The following ILDR1 variants were observed in gnomAD, a reference collection of about 807,000 sequenced individuals.
ILDR1 encodes immunoglobulin-like domain-containing receptor 1.
Under a neutral mutation model 62.4 loss-of-function variants are expected in ILDR1, and 56 were observed. The observed-to-expected ratio is 0.90, with a 90% CI of 0.72 to 1.12. The LOEUF (loss-of-function observed/expected upper bound fraction) is 1.12. ILDR1 is among the 50% of genes most tolerant of loss of function. The pLI, the probability that ILDR1 is intolerant of heterozygous loss-of-function variation, is 0.00. For missense variants in ILDR1, 736 were observed against 710.6 expected (o/e 1.04, Z -0.41); for synonymous variants, 284 against 277.8 (o/e 1.02, Z -0.22).
intron 1 of ILDR1, among the ~76,000 whole-genome samples, chr3:122,008,557 ATTTTTTATTTCTTTTCTTTTC>A (rs1330456479): frequency 6.2e-5 from 9 of 145,186 alleles, no homozygotes; most frequent in Admixed American, 1.4e-4. Context: ...AGAGACACGC[ATTTTTTATTTCTTTTCTTTTC>A]TTTTCTTTTC....
At chr3:122,029,494 A>G in the ILDR1 span, among the ~76,000 whole-genome samples, 1 of 137,632 alleles carries the variant, frequency 7.3e-6, no homozygotes, top group Admixed American at 7.1e-5. Flanking sequence ...GCAACAGGTG[A>G]CACTCCGTCT....
chr3:122,006,897 G>T, intron 2 of ILDR1, 94 bp downstream of exon 2: 2 of 1,372,440 alleles, frequency 1.5e-6, no homozygotes, highest in Non-Finnish European at 1.0e-6. Context: ...TCACTACCAA[G>T]ATTTGTAATC....
chr3:122,025,701 G>T (rs930266853), upstream of ILDR1, among the ~76,000 whole-genome samples: 4 of 152,138 alleles, frequency 2.6e-5, no homozygotes, highest in Admixed American at 2.0e-4. Context: ...ACATTTATAT[G>T]TGTACAGTAT....
chr3:122,051,913 C>T, the ILDR1 span, among the ~76,000 whole-genome samples: 1,897 of 152,184 alleles, frequency 0.012, 24 homozygotes, highest in Non-Finnish European at 0.019. Flanking sequence ...TCTGGCTTCT[C>T]TTTTTTAAGA....
the ILDR1 span, among the ~76,000 whole-genome samples, chr3:122,030,369 A>T: frequency 1.3e-5 from 2 of 152,004 alleles, no homozygotes; most frequent in Non-Finnish European, 2.9e-5. Context: ...ATTATTAATC[A>T]GTATGGAAAC....
rs748351772 is a variant in ILDR1 at position 122,005,301 on chromosome 3, G to GC, written c.321dup (p.Gln108AlafsTer3). On this transcript the variant is annotated frameshift_variant, in exon 3 of 8. Transcript: ENST00000344209. LOFTEE classifies it high-confidence loss of function. ...TCTACCCCCAGCACGGGCTCATTCTGCCCCCGCCGCTGGGCCACTATGCGA... is the reference window on the plus strand; with the variant it reads ...TCTACCCCCAGCACGGGCTCATTCTGCCCCCCGCCGCTGGGCCACTATGCGA... 47 of 1,609,896 alleles carry GC rather than the reference G, an allele frequency of 2.9e-5. No individual in the cohort carries two copies. Among genetic ancestry groups the GC allele is most frequent in the Non-Finnish European group, 3.7e-5 (44 of 1,178,826 alleles).
the ILDR1 span, among the ~76,000 whole-genome samples, chr3:122,040,723 CAAAAAAAAA>C: frequency 3.1e-5 from 2 of 65,392 alleles, no homozygotes; most frequent in African/African-American, 1.1e-4. Flanking sequence ...AATCCAGATG[CAAAAAAAAA>C]AAAAGAAAAA....
chr3:122,050,751 C>A, the ILDR1 span, among the ~76,000 whole-genome samples: 1 of 151,970 alleles, frequency 6.6e-6, no homozygotes. Context: ...TTTATACTTT[C>A]ATGTTTTTGT....
rs765296361 is a variant in ILDR1, at chr3:122,005,289, C to T, written c.334G>A (p.Val112Met). Residue 112 changes from valine (V) to methionine (M), a missense_variant, in exon 3 of 8, where the codon GTG becomes ATG. Coordinates refer to ENST00000344209, the MANE Select transcript of ILDR1 (RefSeq NM_001199799.2). ...CGCTGCCGGTAATCTACCCCCAGCACGGGCTCATTCTGCCCCCGCCGCTGG... is the reference window on the plus strand; with the variant it reads ...CGCTGCCGGTAATCTACCCCCAGCATGGGCTCATTCTGCCCCCGCCGCTGG... Reference protein sequence around the residue: ...VAQRRGQNEPVLGVDYRQRKI... With the variant: ...VAQRRGQNEPMLGVDYRQRKI... 12 of 1,613,610 alleles carry T rather than the reference C, an allele frequency of 7.4e-6. No homozygotes were observed. In the Admixed American group the frequency reaches 1.2e-4, roughly 16 times the overall value.
intron 1 of ILDR1, among the ~76,000 whole-genome samples, chr3:122,015,549 C>T (rs2071765062): frequency 6.6e-6 from 1 of 152,062 alleles, no homozygotes; most frequent in Non-Finnish European, 1.5e-5. Flanking sequence ...CTCACAAGAT[C>T]CAGTGGTTTT....
the ILDR1 span, among the ~76,000 whole-genome samples, chr3:122,037,239 C>G: frequency 3.3e-5 from 5 of 152,168 alleles, no homozygotes; most frequent in Non-Finnish European, 7.4e-5. Context: ...TTCCCAGACC[C>G]CAGAATGGTA....
chr3:122,017,935 C>T (rs1439527738), intron 1 of ILDR1, among the ~76,000 whole-genome samples: 1 of 152,198 alleles, frequency 6.6e-6, no homozygotes, highest in African/African-American at 2.4e-5. Context: ...CGCTTTTACA[C>T]TGTTGGTGGG....
chr3:121,993,814 T>G lies in ILDR1; in HGVS notation c.935A>C (p.His312Pro), dbSNP rs375692390. Residue 312 changes from histidine to proline, a missense_variant, in exon 7 of 8, where the codon CAT (histidine) becomes CCT (proline). Coordinates refer to ENST00000344209, the MANE Select transcript of ILDR1 (RefSeq NM_001199799.2). Reference sequence around the variant, plus strand: ...CAGGGAGGACAGCATGCTGCAGGGATGGCCAAATCTGCCTTTGAGGTCAGG... The same window carrying G: ...CAGGGAGGACAGCATGCTGCAGGGAGGGCCAAATCTGCCTTTGAGGTCAGG... The part of the protein sequence containing the change: ...LPPDLKGRFG[H>P]PCSMLSSLGS... 6.2e-7 allele frequency: 1 copy of G among 1,613,982 alleles called. No individual in the cohort carries two copies. The highest frequency in any genetic ancestry group is 1.3e-5 in the African/African-American group (1 of 74,894).
chr3:122,037,786 C>G, the ILDR1 span, among the ~76,000 whole-genome samples: 165 of 152,258 alleles, frequency 1.1e-3, no homozygotes, highest in African/African-American at 3.7e-3. Flanking sequence ...TGTGTCCCCA[C>G]CCAAATCTCA....
At chr3:122,024,988 A>C (rs4345109), upstream of ILDR1, among the ~76,000 whole-genome samples, 252 of 152,364 alleles carry the variant, frequency 1.7e-3, 6 homozygotes, top group East Asian at 0.033. Flanking sequence ...CTCTTGGGCC[A>C]GTCATTCTTC....
the ILDR1 span, among the ~76,000 whole-genome samples, chr3:122,036,003 G>T: frequency 1.3e-5 from 2 of 152,198 alleles, no homozygotes; most frequent in Non-Finnish European, 2.9e-5. Flanking sequence ...CCAAAATGCT[G>T]ATAGTGACAT....
At chr3:122,017,088 C>A (rs1247553283) in intron 1 of ILDR1, among the ~76,000 whole-genome samples, 1 of 151,598 alleles carries the variant, frequency 6.6e-6, no homozygotes. Context: ...GTCTCTTTTG[C>A]CCAGGCTGGA....
the ILDR1 span, among the ~76,000 whole-genome samples, chr3:122,043,390 G>A: frequency 8.1e-4 from 112 of 137,454 alleles, 1 homozygote; most frequent in African/African-American, 2.8e-3. Context: ...GATTGACTTG[G>A]CGATGTGGGC....
At chr3:122,010,517 G>C (rs1397650054) in intron 1 of ILDR1, among the ~76,000 whole-genome samples, 2 of 152,162 alleles carry the variant, frequency 1.3e-5, no homozygotes, top group African/African-American at 4.8e-5. Flanking sequence ...TAGAATGGAA[G>C]GGCCGGTGAC....
Sources: allele counts gnomAD v4.1 joint callset (sites outside exome capture counted in the v4.1 genomes callset), GRCh38; gene constraint gnomAD v4.1.1; transcripts MANE v1.5; gene names NCBI Gene and HGNC (gene_info 2026-07-23, HGNC 2026-07-21).